The following DGKI variants were observed in gnomAD, a reference collection of about 807,000 sequenced individuals.
DGKI encodes DAG kinase iota.
A neutral mutation model predicts 147.5 loss-of-function variants in DGKI; 55 were observed. The observed-to-expected ratio is 0.37, with a 90% CI of 0.30 to 0.47. The LOEUF is 0.47. Among genes scored for constraint, DGKI ranks in the 20% least tolerant of loss-of-function variants. The pLI is 1.00. For missense variants in DGKI, 1,007 were observed against 1,323.8 expected (o/e 0.76, Z 3.71); for synonymous variants, 469 against 477.1 (o/e 0.98, Z 0.22).
At chr7:137,437,823 AG>A (rs1252618302) in intron 28 of DGKI, among the ~76,000 whole-genome samples, 2 of 152,162 alleles carry the variant, frequency 1.3e-5, no homozygotes, top group Non-Finnish European at 2.9e-5. Flanking sequence ...TCACATTTAC[AG>A]GGAGACGACA....
At position 137,609,607 on chromosome 7, in the gene DGKI, G is replaced by A. The variant is rs1358724781; in HGVS notation, c.996C>T (p.Asn332=). 6.2e-7 allele frequency: 1 copy of A among 1,612,320 alleles called. No homozygotes were observed. Among genetic ancestry groups the A allele is most frequent in the Admixed American group, 1.7e-5 (1 of 59,936 alleles). ...TCTTCCGATTTGAAGCCTTCAGGGA[G>A]TTCTGTAGGGAGAGAGAGAAATGCC... ...TWIIKVKKPQ[N]SLKASNRKKK... Residue 332 remains asparagine (N), a splice_region_variant and synonymous_variant, in exon 9 of 33, where the codon AAC becomes AAT. Coordinates refer to ENST00000614521, the MANE Select transcript of DGKI (RefSeq NM_001321708.2).
chr7:137,394,041 G>T (rs1811459387), intron 32 of DGKI, among the ~76,000 whole-genome samples: 1 of 152,074 alleles, frequency 6.6e-6, no homozygotes, highest in South Asian at 2.1e-4. Context: ...GAGCTACTCG[G>T]TACCTGCTTA....
At chr7:137,610,050 CTTTTT>C (rs924647656) in intron 8 of DGKI, among the ~76,000 whole-genome samples, 1 of 151,678 alleles carries the variant, frequency 6.6e-6, no homozygotes, top group South Asian at 2.1e-4. Context: ...TTTTATTTTT[CTTTTT>C]TGTTTTTTTT....
At chr7:137,569,340 T>A (rs1005929924) in intron 19 of DGKI, among the ~76,000 whole-genome samples, 6 of 152,068 alleles carry the variant, frequency 3.9e-5, no homozygotes, top group Admixed American at 3.3e-4. Context: ...TCAATAAATG[T>A]TCACTCGATC....
At chr7:137,580,870 G>A (rs970090128) in intron 15 of DGKI, among the ~76,000 whole-genome samples, 5 of 151,906 alleles carry the variant, frequency 3.3e-5, no homozygotes, top group African/African-American at 9.7e-5. Context: ...ATAACCTGGA[G>A]GGAAAAAAGT....
intron 6 of DGKI, among the ~76,000 whole-genome samples, chr7:137,633,199 C>G (rs926838977): frequency 7.7e-6 from 1 of 129,722 alleles, no homozygotes; most frequent in East Asian, 2.1e-4. Flanking sequence ...GCAACAAGAG[C>G]GAAACTCGTT....
chr7:137,608,962 T>C lies in DGKI; in HGVS notation c.1167+4A>G. On this transcript the variant is annotated splice_donor_region_variant and intron_variant, in intron 10 of 32. Coordinates refer to ENST00000614521, the MANE Select transcript of DGKI (RefSeq NM_001321708.2). ...TAAGTTGAAAATCATGAAAAATTACTCACCTGGTTGCCTCCACTCTTGGGA... is the reference window on the plus strand; with the variant it reads ...TAAGTTGAAAATCATGAAAAATTACCCACCTGGTTGCCTCCACTCTTGGGA... 6.2e-7 allele frequency: 1 copy of C among 1,601,906 alleles called. No individual in the cohort carries two copies. Among genetic ancestry groups the C allele is most frequent in the South Asian group, 1.1e-5 (1 of 90,746 alleles).
chr7:137,579,010 T>C (rs1422325883), intron 15 of DGKI, among the ~76,000 whole-genome samples: 5 of 152,224 alleles, frequency 3.3e-5, no homozygotes, highest in African/African-American at 4.8e-5. Context: ...ATTCTTTCCA[T>C]AGTTAAATTT....
At chr7:137,726,088 C>A (rs773088857) in intron 1 of DGKI, among the ~76,000 whole-genome samples, 1 of 152,150 alleles carries the variant, frequency 6.6e-6, no homozygotes, top group African/African-American at 2.4e-5. Context: ...TATATCTCAC[C>A]CTGAAGATCC....
chr7:137,453,910 G>C (rs1402392557), intron 27 of DGKI, among the ~76,000 whole-genome samples: 1 of 149,494 alleles, frequency 6.7e-6, no homozygotes, highest in Non-Finnish European at 1.5e-5. Context: ...TGTGAGCTGG[G>C]CTTGAAATAT....
chr7:137,512,470 G>A (rs1479250716), intron 21 of DGKI, among the ~76,000 whole-genome samples: 4 of 152,202 alleles, frequency 2.6e-5, no homozygotes, highest in Non-Finnish European at 4.4e-5. Context: ...TCAAAGGGAA[G>A]TCTAACTACC....
At chr7:137,441,094 G>C (rs887002227) in intron 28 of DGKI, among the ~76,000 whole-genome samples, 36 of 152,124 alleles carry the variant, frequency 2.4e-4, no homozygotes, top group African/African-American at 8.7e-4. Context: ...CTGGATGCTA[G>C]CGAATAATAC....
intron 6 of DGKI, among the ~76,000 whole-genome samples, chr7:137,639,593 G>A (rs139613572): frequency 2.6e-5 from 4 of 152,234 alleles, no homozygotes; most frequent in Middle Eastern, 3.4e-3. Flanking sequence ...CCCCGTGCAG[G>A]TCATCTGGGT....
At chr7:137,770,485 GA>G (rs901817064) in intron 1 of DGKI, among the ~76,000 whole-genome samples, 1 of 145,648 alleles carries the variant, frequency 6.9e-6, no homozygotes, top group Admixed American at 6.9e-5. Flanking sequence ...AAGTAAAACA[GA>G]AAAAAAAAGA....
At chr7:137,623,363 G>T (rs1820818655) in intron 7 of DGKI, 120 bp downstream of exon 7, 2 of 920,216 alleles carry the variant, frequency 2.2e-6, no homozygotes, top group Admixed American at 1.8e-5. Context: ...GATCCTATAT[G>T]AGAAAAGCAA....
intron 28 of DGKI, among the ~76,000 whole-genome samples, chr7:137,434,474 G>A (rs530010815): frequency 1.4e-4 from 21 of 151,554 alleles, no homozygotes; most frequent in African/African-American, 4.8e-4. Flanking sequence ...CCAGCTACTC[G>A]GAAGGCTGAG....
At chr7:137,611,558 T>C (rs2128993604) in intron 8 of DGKI, among the ~76,000 whole-genome samples, 1 of 152,304 alleles carries the variant, frequency 6.6e-6, no homozygotes, top group East Asian at 1.9e-4. Context: ...GTGAGATCAG[T>C]GACCTTGGCC....
chr7:137,585,251 G>T lies in DGKI; in HGVS notation c.1521C>A (p.Asn507Lys). The T allele has an allele frequency of 6.2e-7, 1 of 1,614,094 alleles. No individual in the cohort carries two copies. The highest frequency in any genetic ancestry group is 8.5e-7 in the Non-Finnish European group (1 of 1,180,008). The part of the protein sequence containing the change: ...LDRWNLHVER[N>K]PDLPPEELED... Reference sequence around the variant, plus strand: ...CAAGTTCTTCTGGAGGCAAGTCGGGGTTTCTTTCCACATGGAGGTTCCAGC... The same window carrying T: ...CAAGTTCTTCTGGAGGCAAGTCGGGTTTTCTTTCCACATGGAGGTTCCAGC... The change falls in exon 14 of 33, where the codon AAC becomes AAA. Residue 507 changes from asparagine (N) to lysine (K), a missense_variant. Around this residue, in one of 5 missense-constraint regions of DGKI, gnomAD observed 224 missense variants for 382.7 expected, o/e 0.59. Transcript: ENST00000614521.
chr7:137,496,757 T>G (rs1236856341), intron 21 of DGKI, among the ~76,000 whole-genome samples: 3 of 152,068 alleles, frequency 2.0e-5, no homozygotes, highest in Non-Finnish European at 4.4e-5. Context: ...ATGCAGAGAC[T>G]GAAACTGACC....
Sources: allele counts gnomAD v4.1 joint callset (sites outside exome capture counted in the v4.1 genomes callset), GRCh38; gene constraint gnomAD v4.1.1; regional missense constraint gnomAD v4.1.1; transcripts MANE v1.5; gene names NCBI Gene and HGNC (gene_info 2026-07-23, HGNC 2026-07-21).